The following SKAP2 variants were observed in gnomAD, a reference collection of about 807,000 sequenced individuals.
SKAP2 encodes the protein src kinase associated phosphoprotein 2.
SKAP2 carries 28 observed loss-of-function variants against 54.9 expected under a neutral mutation model. The observed-to-expected ratio is 0.51, with a 90% CI of 0.38 to 0.70. SKAP2 has a LOEUF of 0.70. Among genes scored for constraint, SKAP2 ranks in the 30% least tolerant of loss-of-function variants. The pLI, the probability that SKAP2 is intolerant of heterozygous loss-of-function variation, is 0.00. For synonymous variants in SKAP2, 137 were observed against 134.3 expected (o/e 1.02, Z -0.14); for missense variants, 356 against 424.1 (o/e 0.84, Z 1.41).
chr7:26,832,581 A>C (rs1223027000), intron 4 of SKAP2, among the ~76,000 whole-genome samples: 2 of 152,192 alleles, frequency 1.3e-5, no homozygotes, highest in African/African-American at 4.8e-5. Flanking sequence ...GTCTCAGCTG[A>C]GGCAGGAGGA....
chr7:26,742,586 T>A (rs1782476166), intron 4 of SKAP2: 1 of 152,170 alleles, frequency 6.6e-6, no homozygotes, highest in Non-Finnish European at 1.5e-5. Context: ...AATTCTAAAT[T>A]CATGTTTCTA....
chr7:26,737,039 C>G (rs1223868217), intron 6 of SKAP2, among the ~76,000 whole-genome samples: 1 of 152,030 alleles, frequency 6.6e-6, no homozygotes, highest in Non-Finnish European at 1.5e-5. Context: ...TTGACCTAAC[C>G]ATTGTTATAT....
At chr7:26,742,478 A>T (rs1042185167) in intron 4 of SKAP2, 1 of 152,146 alleles carries the variant, frequency 6.6e-6, no homozygotes, top group African/African-American at 2.4e-5. Context: ...CGTTCAATAT[A>T]CACATAGCCT....
chr7:26,786,047 C>A (rs1039319519), intron 4 of SKAP2, among the ~76,000 whole-genome samples: 2 of 152,142 alleles, frequency 1.3e-5, no homozygotes, highest in Admixed American at 1.3e-4. Flanking sequence ...AAGAACTGAA[C>A]CTGTGGGACA....
intron 9 of SKAP2, among the ~76,000 whole-genome samples, chr7:26,720,043 A>G (rs1286489759): frequency 1.4e-5 from 2 of 142,820 alleles, no homozygotes; most frequent in African/African-American, 5.2e-5. Flanking sequence ...TACCCACCAC[A>G]TATCTGTAAC....
At chr7:26,708,914 G>C (rs1473317013) in intron 9 of SKAP2, among the ~76,000 whole-genome samples, 1 of 152,040 alleles carries the variant, frequency 6.6e-6, no homozygotes, top group Non-Finnish European at 1.5e-5. Context: ...CATAAAAATT[G>C]GGTGTTTTCT....
intron 4 of SKAP2, among the ~76,000 whole-genome samples, chr7:26,786,471 G>A (rs1208864668): frequency 6.6e-6 from 1 of 152,174 alleles, no homozygotes; most frequent in Non-Finnish European, 1.5e-5. Context: ...GGTTGTCTGG[G>A]ATGACCTCTC....
chr7:26,824,364 G>T (rs1225290300), intron 4 of SKAP2, among the ~76,000 whole-genome samples: 3 of 152,074 alleles, frequency 2.0e-5, no homozygotes, highest in African/African-American at 7.2e-5. Context: ...GGAAAAAGAG[G>T]GTGCATCCTT....
chr7:26,683,136 C>T (rs1276880638), intron 11 of SKAP2, among the ~76,000 whole-genome samples: 4 of 152,170 alleles, frequency 2.6e-5, no homozygotes, highest in Non-Finnish European at 1.5e-5. Context: ...GTTTTATACA[C>T]AATTGCAGCT....
intron 4 of SKAP2, among the ~76,000 whole-genome samples, chr7:26,842,659 A>T (rs1484145811): frequency 6.8e-6 from 1 of 147,026 alleles, no homozygotes; most frequent in Non-Finnish European, 1.5e-5. Context: ...ACATTCATAT[A>T]TACCAACATT....
At chr7:26,710,542 G>A (rs777095476) in intron 9 of SKAP2, among the ~76,000 whole-genome samples, 45 of 152,158 alleles carry the variant, frequency 3.0e-4, no homozygotes, top group Admixed American at 9.2e-4. Context: ...GAACACAAAT[G>A]TGAGGTTGGA....
intron 11 of SKAP2, among the ~76,000 whole-genome samples, chr7:26,683,666 T>A (rs182673715): frequency 6.6e-6 from 1 of 152,280 alleles, no homozygotes; most frequent in East Asian, 1.9e-4. Context: ...CCCAAGTTCC[T>A]TTATCTATAA....
At chr7:26,756,403 C>T (rs1047160892) in intron 4 of SKAP2, among the ~76,000 whole-genome samples, 1 of 152,180 alleles carries the variant, frequency 6.6e-6, no homozygotes, top group Non-Finnish European at 1.5e-5. Flanking sequence ...GTTCAATTCT[C>T]ACCTATGAGT....
chr7:26,665,313 C>T (rs1325735096), downstream of SKAP2, among the ~76,000 whole-genome samples: 1 of 152,176 alleles, frequency 6.6e-6, no homozygotes, highest in African/African-American at 2.4e-5. Flanking sequence ...AGGAAGGAAA[C>T]ATCTAAGGAC....
intron 4 of SKAP2, among the ~76,000 whole-genome samples, chr7:26,804,512 G>A (rs545646779): frequency 1.3e-5 from 2 of 152,168 alleles, no homozygotes; most frequent in Non-Finnish European, 2.9e-5. Context: ...AGGCCAAGGC[G>A]GGCAGATCAC....
At chr7:26,722,367 G>C (rs1051897766) in intron 9 of SKAP2, among the ~76,000 whole-genome samples, 2 of 150,618 alleles carry the variant, frequency 1.3e-5, no homozygotes, top group South Asian at 2.1e-4. Flanking sequence ...CATTTTTCAA[G>C]GGATATTATG....
At chr7:26,795,174 G>A (rs147089731) in intron 4 of SKAP2, among the ~76,000 whole-genome samples, 177 of 152,312 alleles carry the variant, frequency 1.2e-3, no homozygotes, top group Admixed American at 3.5e-3. Flanking sequence ...TTCAGTTTAT[G>A]CCATCAAATT....
At chr7:26,770,688 G>A (rs1483986044) in intron 4 of SKAP2, among the ~76,000 whole-genome samples, 2 of 152,140 alleles carry the variant, frequency 1.3e-5, no homozygotes, top group Non-Finnish European at 2.9e-5. Flanking sequence ...GTCCCTCACG[G>A]CTTCCCTTGG....
At chr7:26,857,560 C>G in intron 1 of SKAP2, 1 of 985,402 alleles carries the variant, frequency 1.0e-6, no homozygotes, top group Non-Finnish European at 1.2e-6. Flanking sequence ...CCTGATCTCG[C>G]AACGCAAAGA....
Sources: allele counts gnomAD v4.1 joint callset (sites outside exome capture counted in the v4.1 genomes callset), GRCh38; gene constraint gnomAD v4.1.1; transcripts MANE v1.5; gene names NCBI Gene and HGNC (gene_info 2026-07-23, HGNC 2026-07-21).